Variants in THOC2 observed in about 807,000 individuals in gnomAD.
THOC2 encodes the protein THO complex subunit 2.
THOC2 carries 10 observed loss-of-function variants against 128.4 expected under a neutral mutation model. That is an observed-to-expected ratio of 0.08 (90% CI 0.05 to 0.13). The LOEUF is 0.13. Ranked by LOEUF, THOC2 falls within the 10% of genes least tolerant of loss-of-function variation. The pLI is 1.00. For synonymous variants in THOC2, 393 were observed against 396.9 expected, an observed-to-expected ratio of 0.99 and a Z score of 0.12; for missense variants, 535 against 1,155.7, an observed-to-expected ratio of 0.46 and a Z score of 7.79.
chrX:123,641,458 C>G (rs1238694185), intron 15 of THOC2, among the ~76,000 whole-genome samples: 1 of 112,389 alleles, frequency 8.9e-6, no homozygotes, highest in Admixed American at 9.5e-5. Context: ...CTGGCCCCAT[C>G]AATCAAAACT....
At chrX:123,619,339 T>C (rs1411870524) in intron 33 of THOC2, 62 bp downstream of exon 33, 1 of 743,041 alleles carries the variant, frequency 1.3e-6, no homozygotes, top group Non-Finnish European at 2.0e-6. Context: ...GGACATCTAC[T>C]AAATAAAATA....
chrX:123,696,623 C>A (rs917925493), intron 6 of THOC2, 98 bp downstream of exon 6: 2 of 886,848 alleles, frequency 2.3e-6, no homozygotes, highest in African/African-American at 2.1e-5. Context: ...ACAAAAAAAA[C>A]AATCTTCAAA....
chrX:123,699,033 G>A (rs944754085), intron 4 of THOC2, among the ~76,000 whole-genome samples: 1 of 111,044 alleles, frequency 9.0e-6, no homozygotes, highest in Non-Finnish European at 1.9e-5. Flanking sequence ...CTGAAGTGTG[G>A]AAGAAAAAAA....
chrX:123,728,817 C>G (rs1191608791), intron 1 of THOC2, among the ~76,000 whole-genome samples: 1 of 112,099 alleles, frequency 8.9e-6, no homozygotes, highest in Admixed American at 9.5e-5. Context: ...CTAATTGATA[C>G]CTAAATAAGC....
chrX:123,700,523 G>A (rs1359646820), intron 4 of THOC2, among the ~76,000 whole-genome samples: 2 of 74,913 alleles, frequency 2.7e-5, no homozygotes, highest in African/African-American at 4.9e-5. Context: ...TGGGGGCGGC[G>A]GGGGGGAGGT....
At chrX:123,623,324 C>A (rs1454609659) in intron 28 of THOC2, 41 bp from the exon 29 acceptor site, 6 of 1,088,750 alleles carry the variant, frequency 5.5e-6, no homozygotes, top group Admixed American at 6.0e-5. Flanking sequence ...AAACACAAAT[C>A]AAAAAACATA....
At chrX:123,644,075 T>C (rs2048031236) in intron 15 of THOC2, among the ~76,000 whole-genome samples, 1 of 112,353 alleles carries the variant, frequency 8.9e-6, no homozygotes, top group African/African-American at 3.2e-5. Flanking sequence ...ATGTTTTTAA[T>C]GATATGAAAA....
chrX:123,719,702 C>T (rs1404632334), intron 1 of THOC2, among the ~76,000 whole-genome samples: 1 of 108,815 alleles, frequency 9.2e-6, no homozygotes, highest in African/African-American at 3.3e-5. Context: ...TTTGCAAGGC[C>T]GAGGCAGGAA....
intron 4 of THOC2, among the ~76,000 whole-genome samples, chrX:123,699,090 G>T (rs2050578619): frequency 1.8e-5 from 2 of 111,292 alleles, no homozygotes; most frequent in South Asian, 7.5e-4. Context: ...ACCAGCATTG[G>T]CAGGATTACA....
At chrX:123,661,910 T>G (rs993515382) in intron 12 of THOC2, among the ~76,000 whole-genome samples, 3 of 111,422 alleles carry the variant, frequency 2.7e-5, no homozygotes, top group African/African-American at 9.8e-5. Context: ...GAAGATCCCT[T>G]CAGCCTGAGA....
At position 123,626,770 on chromosome X, in the gene THOC2, C is replaced by T. The variant is rs1255599087; in HGVS notation, c.2758-108G>A. Reference sequence around the variant, plus strand: ...GGCTGATAGTTTATAACTACTTTAACATGAATATAGGTCCACTTGAACGTG... The same window carrying T: ...GGCTGATAGTTTATAACTACTTTAATATGAATATAGGTCCACTTGAACGTG... On this transcript the variant is annotated intron_variant, in intron 23 of 38. Coordinates refer to ENST00000245838, the MANE Select transcript of THOC2 (RefSeq NM_001081550.2). The T allele has an allele frequency of 4.1e-6, 3 of 733,442 alleles. No homozygotes were observed. The African/African-American group carries it at 6.7e-5, about 16-fold the overall frequency. The allele number at this position is 733,442 out of a possible 1,213,427, so 60.4% of individuals were successfully genotyped here. A position where few individuals can be genotyped will look rare whatever the true frequency, so the allele number is the denominator to read the frequency against.
intron 3 of THOC2, among the ~76,000 whole-genome samples, chrX:123,704,509 T>C (rs1224564490): frequency 9.0e-6 from 1 of 111,677 alleles, no homozygotes; most frequent in East Asian, 2.8e-4. Flanking sequence ...CCCGCTTTTT[T>C]GGAGCTCAAT....
intron 1 of THOC2, among the ~76,000 whole-genome samples, chrX:123,715,789 A>G (rs2051387497): frequency 9.1e-6 from 1 of 109,530 alleles, no homozygotes; most frequent in African/African-American, 3.3e-5. Context: ...TGTCTCAAAA[A>G]AAAAAAAAAA....
At chrX:123,614,311 G>A in intron 33 of THOC2, 122 bp from the exon 34 acceptor site, 1 of 515,998 alleles carries the variant, frequency 1.9e-6, no homozygotes, top group Non-Finnish European at 2.9e-6. Flanking sequence ...TCAGCTATCT[G>A]GATTACAAGA....
At chrX:123,657,630 T>C (rs1457354100) in intron 12 of THOC2, among the ~76,000 whole-genome samples, 1 of 94,289 alleles carries the variant, frequency 1.1e-5, no homozygotes, top group Non-Finnish European at 2.2e-5. Context: ...AGTGAAAGAT[T>C]TAAAGTGTTA....
chrX:123,708,310 A>C (rs2051025323), intron 2 of THOC2, among the ~76,000 whole-genome samples: 1 of 111,684 alleles, frequency 9.0e-6, no homozygotes, highest in South Asian at 3.7e-4. Context: ...TATTAAATAT[A>C]TTCTGCCTAT....
At chrX:123,641,024 C>T (rs911332650) in intron 15 of THOC2, among the ~76,000 whole-genome samples, 2 of 111,693 alleles carry the variant, frequency 1.8e-5, no homozygotes, top group African/African-American at 6.5e-5. Context: ...TGAAATGTCT[C>T]GTGCCATCTG....
At chrX:123,606,240 C>A (rs1297001913) in intron 38 of THOC2, among the ~76,000 whole-genome samples, 2 of 104,266 alleles carry the variant, frequency 1.9e-5, no homozygotes, top group African/African-American at 7.1e-5. Flanking sequence ...GAGTTCAATA[C>A]CAGCCTGGGC....
intron 38 of THOC2, among the ~76,000 whole-genome samples, chrX:123,606,443 A>C: frequency 9.1e-6 from 1 of 110,138 alleles, no homozygotes; most frequent in South Asian, 4.0e-4. Context: ...AATACAAAAA[A>C]ATTAGCCAGG....
Sources: gnomAD v4.1 joint callset for allele counts (sites outside exome capture counted in the v4.1 genomes callset) on GRCh38, gnomAD v4.1.1 for gene constraint, MANE v1.5 for transcripts, NCBI Gene and HGNC (gene_info 2026-07-23, HGNC 2026-07-21) for gene names.